GCSAML: variants seen among roughly 807,000 people sequenced by gnomAD.
GCSAML encodes germinal center-associated signaling and motility-like protein.
GCSAML carries 9 observed loss-of-function variants against 13.0 expected under a neutral mutation model. That is an observed-to-expected ratio of 0.69 (90% CI 0.42 to 1.21). The LOEUF (loss-of-function observed/expected upper bound fraction) is 1.21. GCSAML is among the 50% of genes most tolerant of loss of function. The pLI, the probability that GCSAML is intolerant of heterozygous loss-of-function variation, is 0.00. For synonymous variants in GCSAML, 37 were observed against 52.9 expected (o/e 0.70, Z 1.31); for missense variants, 143 against 153.4 (o/e 0.93, Z 0.36).
chr1:247,550,054 C>G (rs17292702), intron 1 of GCSAML, among the ~76,000 whole-genome samples: 3 of 152,058 alleles, frequency 2.0e-5, no homozygotes, highest in Admixed American at 6.5e-5. Flanking sequence ...TATGACCTAA[C>G]GCTAATAGAC....
chr1:247,557,743 C>T (rs1340451891), intron 2 of GCSAML, among the ~76,000 whole-genome samples: 3 of 152,110 alleles, frequency 2.0e-5, no homozygotes, highest in East Asian at 1.9e-4. Flanking sequence ...TTCTCACGCT[C>T]CCCCGACTCC....
intron 2 of GCSAML, among the ~76,000 whole-genome samples, chr1:247,539,927 A>G (rs1391251798): frequency 1.3e-5 from 2 of 151,928 alleles, no homozygotes; most frequent in Non-Finnish European, 2.9e-5. Flanking sequence ...CTCCACACAC[A>G]TTACCTCTCT....
chr1:247,533,186 A>G (rs747979030), intron 2 of GCSAML, among the ~76,000 whole-genome samples: 11 of 152,014 alleles, frequency 7.2e-5, no homozygotes, highest in Non-Finnish European at 1.5e-4. Flanking sequence ...CTGAATTTTG[A>G]TCTAATACTC....
chr1:247,524,049 G>C (rs2103319462), intron 1 of GCSAML, among the ~76,000 whole-genome samples: 1 of 148,652 alleles, frequency 6.7e-6, no homozygotes, highest in South Asian at 2.1e-4. Context: ...GCAGTGAATT[G>C]AAAACCTAAA....
intron 2 of GCSAML, among the ~76,000 whole-genome samples, chr1:247,539,998 G>C (rs977548741): frequency 4.6e-5 from 7 of 151,816 alleles, no homozygotes; most frequent in Admixed American, 3.3e-4. Context: ...AGGCTTCCTC[G>C]CTCCTCAAAA....
In GCSAML at chr1:247,576,265, G is replaced by A. The variant is rs1668829938; in HGVS notation, c.*1883G>A. 6.6e-6 allele frequency: 1 copy of A among 152,200 alleles called. No homozygotes were observed. The highest frequency in any genetic ancestry group is 2.4e-5 in the African/African-American group (1 of 41,442). The allele number at this position is 152,200 out of a possible 1,614,324, so 9.4% of individuals were successfully genotyped here. A position where few individuals can be genotyped will look rare whatever the true frequency, so the allele number is the denominator to read the frequency against. On this transcript the variant is annotated 3_prime_UTR_variant, in exon 5 of 5. Coordinates refer to ENST00000366488, the MANE Select transcript of GCSAML (RefSeq NM_145278.5). ...GTGCTCAAAAAGTTTCAGATGTTAAGCTGGTGATGCAGTTCATGCCAGTGA... is the reference window on the plus strand; with the variant it reads ...GTGCTCAAAAAGTTTCAGATGTTAAACTGGTGATGCAGTTCATGCCAGTGA...
intron 2 of GCSAML, chr1:247,532,677 A>C: frequency 1.5e-6 from 1 of 678,094 alleles, no homozygotes. Flanking sequence ...GCCCGGGCTA[A>C]CTTCAAACTC....
rs79104601 is a variant in GCSAML, at chr1:247,524,411, C to T, written c.-262-2529C>T. On this transcript the variant is annotated intron_variant, in intron 1 of 5. Transcript: ENST00000366489. ...CTTCCTCCTTTGTTTCAGGGGAGAG[C>T]GCAAGTGGCAGTCCCTAGACCTCAT... is the stretch of plus-strand genomic sequence containing the variant. Among the ~76,000 whole-genome samples the T allele has an allele frequency of 2.6e-5, 4 of 152,264 alleles. No individual in the cohort carries two copies. The East Asian group carries it at 5.8e-4, about 22-fold the overall frequency.
intron 4 of GCSAML, among the ~76,000 whole-genome samples, chr1:247,568,659 C>T (rs1010942954): frequency 6.6e-6 from 1 of 152,086 alleles, no homozygotes; most frequent in African/African-American, 2.4e-5. Context: ...GCTATATGGG[C>T]ACTTTTTTGT....
At chr1:247,511,426 G>C (rs913427267) in intron 1 of GCSAML, among the ~76,000 whole-genome samples, 1 of 151,992 alleles carries the variant, frequency 6.6e-6, no homozygotes, top group Non-Finnish European at 1.5e-5. Flanking sequence ...CGTGAGATGG[G>C]TCTCCTGAAT....
chr1:247,572,247 C>T (rs552012952), intron 4 of GCSAML, among the ~76,000 whole-genome samples: 6 of 152,134 alleles, frequency 3.9e-5, no homozygotes, highest in African/African-American at 1.2e-4. Flanking sequence ...CCCTTGCTGG[C>T]GAGGAGTTGT....
At chr1:247,517,741 A>G (rs1280008581) in intron 1 of GCSAML, among the ~76,000 whole-genome samples, 2 of 152,110 alleles carry the variant, frequency 1.3e-5, no homozygotes, top group African/African-American at 4.8e-5. Flanking sequence ...GGCAAGTGAG[A>G]CTCGCTAAAA....
intron 2 of GCSAML, among the ~76,000 whole-genome samples, chr1:247,539,462 C>T (rs1251158988): frequency 1.3e-5 from 2 of 152,148 alleles, no homozygotes; most frequent in East Asian, 1.9e-4. Flanking sequence ...CAATCGTTAC[C>T]ACAGTGATCT....
rs1666727696 is a variant in GCSAML, at chr1:247,527,476, G to A, written c.-148+422G>A. Reference sequence around the variant, plus strand: ...TGAGCTTAAACAAAGCCATGAACTGGCAGATGAAAATTACAGTGCATCCAA... The same window carrying A: ...TGAGCTTAAACAAAGCCATGAACTGACAGATGAAAATTACAGTGCATCCAA... On this transcript the variant is annotated intron_variant, in intron 2 of 5. Coordinates refer to the GCSAML transcript ENST00000366489. This position sits in a 1 kb window ranked among gnomAD's most constrained non-coding sequence, Gnocchi z 4.6. 6.6e-6 allele frequency: 1 copy of A among 152,494 alleles called. No individual in the cohort carries two copies. The highest frequency in any genetic ancestry group is 1.5e-5 in the Non-Finnish European group (1 of 68,280). 9.4% of individuals were successfully genotyped at this position (152,494 alleles called of 1,614,324 possible).
At chr1:247,571,926 G>T (rs2103078272) in intron 4 of GCSAML, among the ~76,000 whole-genome samples, 2 of 151,660 alleles carry the variant, frequency 1.3e-5, no homozygotes, top group Admixed American at 6.6e-5. Flanking sequence ...CTCTAACATT[G>T]TCTTCATGCT....
At chr1:247,557,086 G>T (rs1326466556) in intron 2 of GCSAML, among the ~76,000 whole-genome samples, 1 of 152,118 alleles carries the variant, frequency 6.6e-6, no homozygotes, top group Non-Finnish European at 1.5e-5. Context: ...TTTGCATTTG[G>T]ACTGATTGAT....
At chr1:247,531,994 T>G (rs1295744454) in intron 2 of GCSAML, 1 of 1,614,104 alleles carries the variant, frequency 6.2e-7, no homozygotes, top group Non-Finnish European at 8.5e-7. Context: ...GTCGATGCAA[T>G]TGTTCCCACA....
intron 1 of GCSAML, among the ~76,000 whole-genome samples, chr1:247,513,319 G>A (rs961433280): frequency 1.3e-5 from 2 of 152,320 alleles, no homozygotes; most frequent in African/African-American, 2.4e-5. Flanking sequence ...TGAGAGGAAA[G>A]CCACCTACTC....
chr1:247,546,536 T>C (rs1182508719), upstream of GCSAML, among the ~76,000 whole-genome samples: 1 of 151,578 alleles, frequency 6.6e-6, no homozygotes, highest in Non-Finnish European at 1.5e-5. Flanking sequence ...TTTTTTGTAT[T>C]TTTTTTAGTG....
Sources: allele counts gnomAD v4.1 joint callset (sites outside exome capture counted in the v4.1 genomes callset), GRCh38; gene constraint gnomAD v4.1.1; non-coding constraint Gnocchi (gnomAD v3.1); transcripts MANE v1.5; gene names NCBI Gene and HGNC (gene_info 2026-07-23, HGNC 2026-07-21).